Variants in PHACTR1 observed in about 807,000 individuals in gnomAD.
PHACTR1 encodes the protein phosphatase and actin regulator 1, also known as RPEL repeat containing 1.
In PHACTR1, 16 loss-of-function variants were observed where a neutral mutation model predicts 69.2. That is an observed-to-expected ratio of 0.23 (90% CI 0.16 to 0.35). The LOEUF (loss-of-function observed/expected upper bound fraction) is 0.35, where lower values mean the gene tolerates loss of function less well. PHACTR1 is among the 10% of genes least tolerant of loss of function. The probability of loss-of-function intolerance (pLI) is 1.00; values close to 1 mark genes in which losing one functional copy is unlikely to be tolerated. For synonymous variants in PHACTR1, 312 were observed against 284.5 expected, an observed-to-expected ratio of 1.10 and a Z score of -0.97; for missense variants, 510 against 734.7, an observed-to-expected ratio of 0.69 and a Z score of 3.54.
At position 13,053,514 on chromosome 6, in the gene PHACTR1, A is replaced by C; in HGVS notation, c.400A>C (p.Lys134Gln). The C allele has an allele frequency of 6.2e-7, 1 of 1,613,680 alleles. No homozygotes were observed. Among genetic ancestry groups the C allele is most frequent in the South Asian group, 1.1e-5 (1 of 90,958 alleles). The change falls in exon 5 of 15, where the codon AAA (lysine) becomes CAA (glutamine). Residue 134 changes from lysine to glutamine, a missense_variant. Coordinates refer to ENST00000332995, the MANE Select transcript of PHACTR1 (RefSeq NM_030948.6). Reference protein sequence around the residue: ...KWRKKKSEKFKHTSAALERKI... With the variant: ...KWRKKKSEKFQHTSAALERKI... Reference sequence around the variant, plus strand: ...GAGGAAGAAGAAAAGCGAAAAGTTCAAACACACGTCAGCAGGTAAGATGAT... The same window carrying C: ...GAGGAAGAAGAAAAGCGAAAAGTTCCAACACACGTCAGCAGGTAAGATGAT...
chr6:12,992,562 G>T (rs763276994), intron 4 of PHACTR1, among the ~76,000 whole-genome samples: 1 of 152,160 alleles, frequency 6.6e-6, no homozygotes, highest in Non-Finnish European at 1.5e-5. Context: ...GTGACAAGTT[G>T]TACCGAACTT....
intron 5 of PHACTR1, among the ~76,000 whole-genome samples, chr6:13,112,707 C>A (rs1393387627): frequency 6.6e-6 from 1 of 152,074 alleles, no homozygotes; most frequent in Non-Finnish European, 1.5e-5. Context: ...GTCCTTTGTC[C>A]ACTTTTTAAT....
chr6:12,742,061 C>T (rs971904714), intron 3 of PHACTR1, among the ~76,000 whole-genome samples: 1 of 151,788 alleles, frequency 6.6e-6, no homozygotes, highest in Non-Finnish European at 1.5e-5. Flanking sequence ...AATTTTGCTA[C>T]TATATAGAAA....
intron 4 of PHACTR1, among the ~76,000 whole-genome samples, chr6:12,791,867 C>A (rs868723555): frequency 2.0e-5 from 3 of 152,170 alleles, no homozygotes; most frequent in South Asian, 2.1e-4. Flanking sequence ...GAGGGTTGCA[C>A]CATAGTGGGG....
chr6:12,881,211 TG>T (rs755853729), intron 4 of PHACTR1, among the ~76,000 whole-genome samples: 3 of 151,958 alleles, frequency 2.0e-5, no homozygotes, highest in Non-Finnish European at 4.4e-5. Context: ...GGAAGGACAG[TG>T]GGGGCTCTTG....
At chr6:13,198,518 C>T (rs1336175271) in intron 7 of PHACTR1, among the ~76,000 whole-genome samples, 2 of 151,944 alleles carry the variant, frequency 1.3e-5, no homozygotes, top group Non-Finnish European at 2.9e-5. Flanking sequence ...TGTCCTATAA[C>T]ACAGGGGTGT....
At chr6:12,787,896 C>T (rs1196841436) in intron 4 of PHACTR1, among the ~76,000 whole-genome samples, 2 of 152,166 alleles carry the variant, frequency 1.3e-5, no homozygotes, top group African/African-American at 4.8e-5. Context: ...GTGGCTCATG[C>T]CTATAATCCC....
intron 4 of PHACTR1, among the ~76,000 whole-genome samples, chr6:13,038,472 T>C (rs969766240): frequency 3.5e-5 from 5 of 144,674 alleles, no homozygotes; most frequent in Non-Finnish European, 7.5e-5. Flanking sequence ...TACTTTTGCA[T>C]GAGTGTTCAA....
chr6:13,258,877 G>T (rs1275358419), intron 10 of PHACTR1, among the ~76,000 whole-genome samples: 1 of 152,234 alleles, frequency 6.6e-6, no homozygotes, highest in Non-Finnish European at 1.5e-5. Context: ...ATATTTGATG[G>T]CAGAGCTTTT....
chr6:13,255,197 A>G (rs1056056144), intron 10 of PHACTR1, among the ~76,000 whole-genome samples: 2 of 152,220 alleles, frequency 1.3e-5, no homozygotes, highest in African/African-American at 4.8e-5. Context: ...TGAGGGGAAG[A>G]TGCCACACAC....
intron 4 of PHACTR1, among the ~76,000 whole-genome samples, chr6:12,938,127 C>T (rs998430738): frequency 6.6e-6 from 1 of 152,004 alleles, no homozygotes; most frequent in South Asian, 2.1e-4. Context: ...AATCCTTTCT[C>T]GGTGTTCTGG....
chr6:12,978,609 A>G (rs1046509419), intron 4 of PHACTR1, among the ~76,000 whole-genome samples: 5 of 152,148 alleles, frequency 3.3e-5, no homozygotes, highest in Non-Finnish European at 5.9e-5. Context: ...AACATCTGGG[A>G]TACGTTGTTG....
At chr6:12,775,814 G>T (rs931405150) in intron 4 of PHACTR1, among the ~76,000 whole-genome samples, 7 of 151,956 alleles carry the variant, frequency 4.6e-5, no homozygotes, top group Admixed American at 1.3e-4. Context: ...CCTACCTCCA[G>T]GCAGAAGACA....
At chr6:13,080,843 T>C (rs1004088245) in intron 5 of PHACTR1, among the ~76,000 whole-genome samples, 3 of 152,028 alleles carry the variant, frequency 2.0e-5, no homozygotes, top group Non-Finnish European at 4.4e-5. Context: ...TTTTATGTCA[T>C]CCTACGAAAG....
At chr6:13,090,980 G>A (rs1010944763) in intron 5 of PHACTR1, among the ~76,000 whole-genome samples, 21 of 147,026 alleles carry the variant, frequency 1.4e-4, no homozygotes, top group African/African-American at 5.0e-4. Context: ...ATCAGTGGGA[G>A]CCCTGAGCTT....
chr6:12,782,859 C>T (rs1008370539), intron 4 of PHACTR1, among the ~76,000 whole-genome samples: 2 of 152,114 alleles, frequency 1.3e-5, no homozygotes, highest in Non-Finnish European at 1.5e-5. Context: ...TACCTTATTG[C>T]CTATCCTGTT....
At chr6:13,037,345 A>G (rs1331875591) in intron 4 of PHACTR1, among the ~76,000 whole-genome samples, 2 of 152,048 alleles carry the variant, frequency 1.3e-5, no homozygotes, top group African/African-American at 2.4e-5. Flanking sequence ...CTGTTAACCA[A>G]TCCCTAACCA....
chr6:12,823,888 T>C lies in PHACTR1; in HGVS notation c.250+74098T>C, dbSNP rs73360097. On this transcript the variant is annotated intron_variant, in intron 4 of 14. Transcript: ENST00000332995. ...ACTGCTTCTTTGGGGTGTGACCACA[T>C]ATTGATTTCATACATTCCTGAATTA... Among the ~76,000 whole-genome samples, 548 of 152,320 alleles carry C rather than the reference T, an allele frequency of 3.6e-3. 2 individuals carry two copies. The highest frequency in any genetic ancestry group is 0.012 in the African/African-American group (503 of 41,572).
At chr6:13,282,665 C>T (rs776739876) in intron 12 of PHACTR1, among the ~76,000 whole-genome samples, 20 of 152,176 alleles carry the variant, frequency 1.3e-4, no homozygotes, top group Admixed American at 2.0e-4. Flanking sequence ...TTTGCACATA[C>T]GCTTTTTTGC....
Sources: allele counts gnomAD v4.1 joint callset (sites outside exome capture counted in the v4.1 genomes callset), GRCh38; gene constraint gnomAD v4.1.1; transcripts MANE v1.5; gene names NCBI Gene and HGNC (gene_info 2026-07-23, HGNC 2026-07-21).